PTGER3: variants seen among roughly 807,000 people sequenced by gnomAD.
PTGER3 encodes the protein prostaglandin E receptor 3.
In PTGER3, 22 loss-of-function variants were observed where a neutral mutation model predicts 34.7. The observed-to-expected ratio is 0.63, with a 90% CI of 0.45 to 0.91. The LOEUF is 0.91. PTGER3 is among the 40% of genes least tolerant of loss of function. The pLI is 0.00. For synonymous variants in PTGER3, 241 were observed against 230.1 expected, an observed-to-expected ratio of 1.05 and a Z score of -0.43; for missense variants, 468 against 519.4, an observed-to-expected ratio of 0.90 and a Z score of 0.96.
rs181545237 is a variant in PTGER3 at position 70,976,553 on chromosome 1, C to T, written c.1078-2165G>A. On this transcript the variant is annotated intron_variant, in intron 2 of 3. Transcript: ENST00000306666. ...TATTGGGGATTATATATGATTTGAT[C>T]TACTAATAGCCTTGTTACTACTGTT... Among the ~76,000 whole-genome samples the T allele has an allele frequency of 2.6e-4, 39 of 152,216 alleles. No individual in the cohort carries two copies. In the East Asian group the frequency reaches 7.2e-3, roughly 28 times the overall value.
chr1:71,005,200 C>A (rs945196264), intron 2 of PTGER3, among the ~76,000 whole-genome samples: 1 of 152,136 alleles, frequency 6.6e-6, no homozygotes, highest in African/African-American at 2.4e-5. Context: ...GTCAATAGTG[C>A]CAAGGTTGAG....
chr1:70,952,677 T>C, exon 4 of PTGER3: 1 of 1,158,266 alleles, frequency 8.6e-7, no homozygotes, highest in East Asian at 4.3e-5. Context: ...CATGTGCTAT[T>C]CTTACTATAA....
chr1:70,924,656 G>A (rs1019943983), intron 4 of PTGER3, among the ~76,000 whole-genome samples: 21 of 152,210 alleles, frequency 1.4e-4, no homozygotes, highest in African/African-American at 4.1e-4. Context: ...CTTTATTCTT[G>A]TGGAATATAT....
chr1:71,009,421 G>T, intron 2 of PTGER3: 1 of 981,154 alleles, frequency 1.0e-6, no homozygotes, highest in Non-Finnish European at 1.2e-6. Context: ...GATATATACA[G>T]CACTAGGTTA....
At chr1:70,896,692 A>G (rs1054672735) in intron 4 of PTGER3, among the ~76,000 whole-genome samples, 2 of 152,136 alleles carry the variant, frequency 1.3e-5, no homozygotes, top group Admixed American at 1.3e-4. Flanking sequence ...ACAGAGTCTG[A>G]AAACCCTTAT....
At chr1:70,882,779 A>G (rs1161639981) in intron 4 of PTGER3, among the ~76,000 whole-genome samples, 2 of 152,078 alleles carry the variant, frequency 1.3e-5, no homozygotes, top group Non-Finnish European at 2.9e-5. Context: ...ACCATGTGGG[A>G]GAGGTTCTCC....
chr1:70,925,107 C>T (rs369765661), intron 4 of PTGER3, among the ~76,000 whole-genome samples: 5 of 152,112 alleles, frequency 3.3e-5, no homozygotes, highest in Admixed American at 1.3e-4. Flanking sequence ...TAGATTCAAG[C>T]GATTCTCCTT....
intron 2 of PTGER3, among the ~76,000 whole-genome samples, chr1:70,961,110 C>A (rs1651887620): frequency 1.3e-5 from 2 of 152,268 alleles, no homozygotes; most frequent in African/African-American, 4.8e-5. Flanking sequence ...TGGACTGTAA[C>A]AATGTCAAAC....
chr1:70,911,158 C>T (rs1647052474), intron 4 of PTGER3, among the ~76,000 whole-genome samples: 1 of 151,264 alleles, frequency 6.6e-6, no homozygotes, highest in Non-Finnish European at 1.5e-5. Context: ...TCAAATTTAT[C>T]ATTCTAGATT....
chr1:70,918,455 A>C (rs1164566480), intron 4 of PTGER3, among the ~76,000 whole-genome samples: 3 of 152,042 alleles, frequency 2.0e-5, no homozygotes, highest in Admixed American at 1.3e-4. Context: ...CAATCAATAA[A>C]GTGGAGACTA....
intron 4 of PTGER3, among the ~76,000 whole-genome samples, chr1:70,909,353 G>A (rs1647015892): frequency 6.6e-6 from 1 of 152,112 alleles, no homozygotes; most frequent in Non-Finnish European, 1.5e-5. Context: ...ATGAGAGGGA[G>A]ACATACTTTA....
At chr1:70,997,060 T>G (rs1260112276) in intron 2 of PTGER3, 1 of 152,130 alleles carries the variant, frequency 6.6e-6, no homozygotes, top group African/African-American at 2.4e-5. Flanking sequence ...TCAATTGAGG[T>G]TGGGAGTTCG....
intron 4 of PTGER3, among the ~76,000 whole-genome samples, chr1:70,905,429 A>G (rs139331832): frequency 0.019 from 2,830 of 152,244 alleles, 42 homozygotes; most frequent in Non-Finnish European, 0.031. Flanking sequence ...ACACCAGCCC[A>G]TGAAAGCAGC....
chr1:70,888,820 T>G (rs1385850906), intron 4 of PTGER3, among the ~76,000 whole-genome samples: 1 of 152,110 alleles, frequency 6.6e-6, no homozygotes, highest in Non-Finnish European at 1.5e-5. Context: ...TAGCCATAGA[T>G]TTGTGCAAAT....
chr1:70,887,862 G>A (rs533555216), intron 4 of PTGER3, among the ~76,000 whole-genome samples: 2 of 151,334 alleles, frequency 1.3e-5, no homozygotes, highest in South Asian at 4.2e-4. Flanking sequence ...GCAAAGAGTA[G>A]AAACATATTT....
At chr1:71,031,245 A>AACACACACAC (rs56278148) in intron 1 of PTGER3, among the ~76,000 whole-genome samples, 5 of 149,278 alleles carry the variant, frequency 3.3e-5, no homozygotes, top group African/African-American at 5.0e-5. Flanking sequence ...GTGGCAGGAA[A>AACACACACAC]ACACACACAC....
intron 2 of PTGER3, among the ~76,000 whole-genome samples, chr1:70,991,436 C>T (rs1046217122): frequency 6.6e-6 from 1 of 152,130 alleles, no homozygotes; most frequent in Non-Finnish European, 1.5e-5. Flanking sequence ...TTTCATTACA[C>T]TCTCTGAGCC....
At position 70,971,126 on chromosome 1, in the gene PTGER3, A is replaced by C; in HGVS notation, c.*604T>G. ...GAGTTACTAAATGACACATAACTAG[A>C]ATTGAGACTTAGGAACTTTTAGTTC... On this transcript the variant is annotated 3_prime_UTR_variant, in exon 4 of 4. Transcript: ENST00000306666. 1.0e-6 allele frequency: 1 copy of C among 985,402 alleles called. No individual in the cohort carries two copies. The highest frequency in any genetic ancestry group is 1.2e-6 in the Non-Finnish European group (1 of 829,926). The allele number at this position is 985,402 out of a possible 1,614,324, so 61.0% of individuals were successfully genotyped here.
intron 1 of PTGER3, among the ~76,000 whole-genome samples, chr1:71,039,336 G>T (rs1344544644): frequency 1.3e-5 from 2 of 152,038 alleles, no homozygotes; most frequent in Non-Finnish European, 2.9e-5. Context: ...GAGGGATGGT[G>T]GCAGGGGGAG....
Sources: gnomAD v4.1 joint callset for allele counts (sites outside exome capture counted in the v4.1 genomes callset) on GRCh38, gnomAD v4.1.1 for gene constraint, MANE v1.5 for transcripts, NCBI Gene and HGNC (gene_info 2026-07-23, HGNC 2026-07-21) for gene names.